The following CNTNAP3B variants were observed in gnomAD, a reference collection of about 807,000 sequenced individuals.
CNTNAP3B encodes the protein contactin associated protein family member 3B.
A neutral mutation model predicts 108.9 loss-of-function variants in CNTNAP3B; 25 were observed. That is an observed-to-expected ratio of 0.23 (90% CI 0.17 to 0.32). CNTNAP3B has a LOEUF of 0.32. CNTNAP3B is among the 10% of genes least tolerant of loss of function. The probability of loss-of-function intolerance (pLI) is 1.00; values close to 1 mark genes in which losing one functional copy is unlikely to be tolerated. For missense variants in CNTNAP3B, 252 were observed against 1,210.4 expected, an observed-to-expected ratio of 0.21 and a Z score of 11.75; for synonymous variants, 103 against 473.4, an observed-to-expected ratio of 0.22 and a Z score of 10.16.
At chr9:41,940,158 G>C (rs1328132323) in intron 13 of CNTNAP3B, among the ~76,000 whole-genome samples, 2 of 152,296 alleles carry the variant, frequency 1.3e-5, no homozygotes, top group East Asian at 1.9e-4. Context: ...CTCAAAAAGA[G>C]AGAACAAAGT....
At chr9:41,937,098 A>AT (rs1291421380) in intron 14 of CNTNAP3B, among the ~76,000 whole-genome samples, 6 of 141,214 alleles carry the variant, frequency 4.2e-5, no homozygotes, top group African/African-American at 1.4e-4. Flanking sequence ...TGACCATTAC[A>AT]TTTTTTATTT....
chr9:41,946,532 GA>G lies in CNTNAP3B; in HGVS notation c.2080+6650del, dbSNP rs200782860. On this transcript the variant is annotated intron_variant, in intron 13 of 23. Coordinates refer to ENST00000377561, the MANE Select transcript of CNTNAP3B (RefSeq NM_001201380.3). ...CATGGTGAAAGAGAAAGTCTCAAGA[GA>G]AACAAAATTTTTTAACTAAGCCAGT... is the stretch of plus-strand genomic sequence containing the variant. Among the ~76,000 whole-genome samples the G allele has an allele frequency of 7.7e-3, 344 of 44,818 alleles. 25 individuals are homozygous for G. Among genetic ancestry groups the G allele is most frequent in the East Asian group, 0.034 (56 of 1,634 alleles). 29.4% of individuals were successfully genotyped at this position (44,818 alleles called of 152,430 possible). A position where few individuals can be genotyped will look rare whatever the true frequency, so the allele number is the denominator to read the frequency against.
chr9:41,954,201 T>A (rs1824787179), intron 12 of CNTNAP3B, among the ~76,000 whole-genome samples: 1 of 152,260 alleles, frequency 6.6e-6, no homozygotes, highest in Non-Finnish European at 1.5e-5. Flanking sequence ...TACATAAAAA[T>A]TTTCCGAACT....
intron 15 of CNTNAP3B, among the ~76,000 whole-genome samples, chr9:41,927,744 C>G (rs757725031): frequency 0.066 from 9,642 of 145,378 alleles, 2 homozygotes; most frequent in Middle Eastern, 0.14. Context: ...AAGACCCAAA[C>G]AAAATCACAG....
At position 41,937,002 on chromosome 9, in the gene CNTNAP3B, C is replaced by A. The variant is rs1014285968; in HGVS notation, c.2237+1242G>T. 5.3e-5 allele frequency among the ~76,000 whole-genome samples: 8 copies of A among 152,132 alleles called. No homozygotes were observed. In the East Asian group the frequency reaches 7.7e-4, roughly 15 times the overall value. On this transcript the variant is annotated intron_variant, in intron 14 of 23. Coordinates refer to ENST00000377561, the MANE Select transcript of CNTNAP3B (RefSeq NM_001201380.3). The stretch of plus-strand genomic sequence containing the variant: ...CCAAATAAATAAGTGGACTACCATG[C>A]AGGCCAAACAACTCAATTTTTAGGA...
At chr9:41,968,756 C>G (rs1409480193) in intron 10 of CNTNAP3B, among the ~76,000 whole-genome samples, 2 of 145,084 alleles carry the variant, frequency 1.4e-5, no homozygotes, top group Non-Finnish European at 3.0e-5. Flanking sequence ...GAATTTACTC[C>G]ATGAAGAAGG....
At chr9:41,931,024 G>C (rs1823962636) in intron 14 of CNTNAP3B, among the ~76,000 whole-genome samples, 2 of 152,372 alleles carry the variant, frequency 1.3e-5, no homozygotes, top group South Asian at 4.1e-4. Flanking sequence ...TCTTAGTCCA[G>C]TTACGGTTAG....
rs1395450545 is a variant in CNTNAP3B at position 42,125,322 on chromosome 9, T to C, written c.85+3688A>G. ...CCACTCAACCTCTGACAACTTGCTA[T>C]AGGTCACCACCAGTGCTGTCTCCTG... On this transcript the variant is annotated intron_variant, in intron 1 of 23. Transcript: ENST00000377561. Among the ~76,000 whole-genome samples, 4 of 140,274 alleles carry C rather than the reference T, an allele frequency of 2.9e-5. 1 individual carries two copies. The highest frequency in any genetic ancestry group is 1.1e-4 in the African/African-American group (4 of 35,576). The allele number at this position is 140,274 out of a possible 152,430, so 92.0% of individuals were successfully genotyped here. A position where few individuals can be genotyped will look rare whatever the true frequency, so the allele number is the denominator to read the frequency against.
intron 3 of CNTNAP3B, among the ~76,000 whole-genome samples, chr9:42,043,275 C>T (rs1212495655): frequency 1.9e-5 from 2 of 106,920 alleles, no homozygotes; most frequent in East Asian, 7.3e-4. Flanking sequence ...TCAAGAGATT[C>T]TCCTGCCTTA....
chr9:42,036,675 G>A (rs1175369121), intron 3 of CNTNAP3B, among the ~76,000 whole-genome samples: 1 of 136,264 alleles, frequency 7.3e-6, no homozygotes, highest in Non-Finnish European at 1.6e-5. Context: ...AAACGTCCCT[G>A]TCTGACAGCT....
At chr9:41,920,656 G>C (rs1256166849) in intron 17 of CNTNAP3B, among the ~76,000 whole-genome samples, 1 of 152,304 alleles carries the variant, frequency 6.6e-6, no homozygotes, top group Non-Finnish European at 1.5e-5. Context: ...CTTTGTTTAG[G>C]AATAAGAATG....
intron 3 of CNTNAP3B, among the ~76,000 whole-genome samples, chr9:42,059,913 T>C (rs1394959050): frequency 2.1e-5 from 3 of 144,610 alleles, no homozygotes; most frequent in Admixed American, 1.4e-4. Context: ...TTAGTTCTAA[T>C]AATTTTTTGT....
At chr9:42,094,773 G>A (rs1827867951) in intron 2 of CNTNAP3B, among the ~76,000 whole-genome samples, 1 of 115,784 alleles carries the variant, frequency 8.6e-6, no homozygotes, top group Admixed American at 9.1e-5. Context: ...GGAAGACAGA[G>A]AAAGAAAAAA....
At chr9:42,114,655 A>G in intron 1 of CNTNAP3B, among the ~76,000 whole-genome samples, 1 of 113,234 alleles carries the variant, frequency 8.8e-6, no homozygotes, top group Middle Eastern at 3.9e-3. Flanking sequence ...CCTCCGAGCA[A>G]CCACTATACA....
At chr9:41,969,179 T>C (rs1276939860) in intron 10 of CNTNAP3B, among the ~76,000 whole-genome samples, 1 of 152,012 alleles carries the variant, frequency 6.6e-6, no homozygotes, top group Non-Finnish European at 1.5e-5. Context: ...GCAAATTGTA[T>C]GTAGAAATAT....
chr9:42,118,107 A>G lies in CNTNAP3B; in HGVS notation c.85+10903T>C, dbSNP rs538567117. On this transcript the variant is annotated intron_variant, in intron 1 of 23. Coordinates refer to ENST00000377561, the MANE Select transcript of CNTNAP3B (RefSeq NM_001201380.3). ...AATTCTACCAGAGGTACAAGGAGGAACTGGTACCATTCCTTCTGAAACTAT... is the reference window on the plus strand; with the variant it reads ...AATTCTACCAGAGGTACAAGGAGGAGCTGGTACCATTCCTTCTGAAACTAT... Among the ~76,000 whole-genome samples, 923 of 137,836 alleles carry G rather than the reference A, an allele frequency of 6.7e-3. 206 individuals carry two copies. The highest frequency in any genetic ancestry group is 0.025 in the African/African-American group (883 of 34,720). 90.4% of individuals were successfully genotyped at this position (137,836 alleles called of 152,430 possible).
At chr9:42,072,558 C>A (rs893385473) in intron 3 of CNTNAP3B, among the ~76,000 whole-genome samples, 1 of 106,844 alleles carries the variant, frequency 9.4e-6, no homozygotes, top group Non-Finnish European at 1.9e-5. Context: ...GAAGCTTGTT[C>A]TGTTACTCAG....
chr9:41,939,863 C>T lies in CNTNAP3B; in HGVS notation c.2081-1463G>A, dbSNP rs563838673. Among the ~76,000 whole-genome samples the T allele has an allele frequency of 1.6e-4, 25 of 152,116 alleles. No individual in the cohort carries two copies. The South Asian group carries it at 5.0e-3, about 30-fold the overall frequency. The stretch of plus-strand genomic sequence containing the variant: ...TAGACTTGTCTATCCCTGCTATTTC[C>T]ACCAAGTATAATGATAGATTCTGGA... On this transcript the variant is annotated intron_variant, in intron 13 of 23. Transcript: ENST00000377561.
chr9:42,055,575 G>A (rs1431300219), intron 3 of CNTNAP3B, among the ~76,000 whole-genome samples: 10 of 125,174 alleles, frequency 8.0e-5, no homozygotes, highest in Non-Finnish European at 6.6e-5. Context: ...CCTAGAAGTA[G>A]CATTGCTGCT....
Sources: gnomAD v4.1 joint callset for allele counts (sites outside exome capture counted in the v4.1 genomes callset) on GRCh38, gnomAD v4.1.1 for gene constraint, MANE v1.5 for transcripts, NCBI Gene and HGNC (gene_info 2026-07-23, HGNC 2026-07-21) for gene names.